IL1B: variants seen among roughly 807,000 people sequenced by gnomAD.
IL1B encodes interleukin-1 beta.
IL1B carries 11 observed loss-of-function variants against 26.2 expected under a neutral mutation model. The ratio of observed to expected loss-of-function variants is 0.42; its 90% CI spans 0.26 to 0.70. The LOEUF is 0.70. Ranked by LOEUF, IL1B falls within the 30% of genes least tolerant of loss-of-function variation. The pLI, the probability that IL1B is intolerant of heterozygous loss-of-function variation, is 0.25. For synonymous variants in IL1B, 118 were observed against 120.8 expected (o/e 0.98, Z 0.15); for missense variants, 255 against 327.5 (o/e 0.78, Z 1.71).
Position 112,833,422 on chromosome 2 carries a change from A to G in IL1B, c.253T>C (p.Phe85Leu). The G allele has an allele frequency of 1.9e-6, 3 of 1,614,184 alleles. No individual in the cohort carries two copies. The highest frequency in any genetic ancestry group is 2.2e-5 in the East Asian group (1 of 44,884). ...AAGGTGCTCAGGTCATTCTCCTGGA[A>G]GGTCTGTGGGCAGGGAACCAGCATC... Reference protein sequence around the residue: ...RKMLVPCPQTFQENDLSTFFP... With the variant: ...RKMLVPCPQTLQENDLSTFFP... The change falls in exon 4 of 7, where the codon TTC (phenylalanine) becomes CTC (leucine). Residue 85 changes from phenylalanine to leucine, a missense_variant. Coordinates refer to ENST00000263341, the MANE Select transcript of IL1B (RefSeq NM_000576.3).
intron 3 of IL1B, 33 bp from the exon 4 acceptor site, chr2:112,833,608 G>A: frequency 6.3e-7 from 1 of 1,595,024 alleles, no homozygotes; most frequent in Non-Finnish European, 8.6e-7. Flanking sequence ...AGCCTGGTGA[G>A]GTGGTCCTGC....
Position 112,832,823 on chromosome 2 carries a change from G to A in IL1B, c.305C>T (p.Pro102Leu), listed in dbSNP as rs1380407701. The change falls in exon 5 of 7, where the codon CCT becomes CTT. Residue 102 changes from proline to leucine, a missense_variant. Transcript: ENST00000263341. ...GTTATCCCATGTGTCGAAGAAGATA[G>A]GTTCTGAAATGTGGAGCACATGTTG... ...TFFPFIFEEE[P>L]IFFDTWDNEA... 1 of 1,614,194 alleles carries A rather than the reference G, an allele frequency of 6.2e-7. No homozygotes were observed. The highest frequency in any genetic ancestry group is 8.5e-7 in the Non-Finnish European group (1 of 1,180,000).
intron 3 of IL1B, among the ~76,000 whole-genome samples, chr2:112,835,029 G>A (rs1682062023): frequency 6.6e-6 from 1 of 152,162 alleles, no homozygotes; most frequent in African/African-American, 2.4e-5. Flanking sequence ...TTCAGATGAG[G>A]TCCAAAGCGG....
chr2:112,832,870 GC>G (rs1428172002), intron 4 of IL1B, 44 bp from the exon 5 acceptor site: 1 of 1,609,104 alleles, frequency 6.2e-7, no homozygotes, highest in Non-Finnish European at 8.5e-7. Flanking sequence ...AATCAGAAGG[GC>G]AGGCCTCGTG....
In IL1B at chr2:112,830,405, C is replaced by T. The variant is rs758098043; in HGVS notation, c.766G>A (p.Gly256Ser). ...MPVFLGGTKG[G>S]QDITDFTMQF... ...ATGGTGAAGTCAGTTATATCCTGGC[C>T]GCCTTTGGTCCCTCCCAGGAAGACG... Residue 256 changes from glycine to serine, a missense_variant, in exon 7 of 7, where the codon GGC becomes AGC. Transcript: ENST00000263341. 47 of 1,613,948 alleles carry T rather than the reference C, an allele frequency of 2.9e-5. No individual in the cohort carries two copies. The highest frequency in any genetic ancestry group is 5.0e-5 in the Admixed American group (3 of 59,992).
In IL1B at chr2:112,831,285, C is replaced by G; in HGVS notation, c.597+7G>C. The G allele has an allele frequency of 6.2e-7, 1 of 1,613,860 alleles. No individual in the cohort carries two copies. Among genetic ancestry groups the G allele is most frequent in the Non-Finnish European group, 8.5e-7 (1 of 1,179,848 alleles). ...GAGAAGGGCTTCATTCCATAGCATT[C>G]ACTTACCTCCAGCTGTAGAGTGGGC... On this transcript the variant is annotated splice_region_variant and intron_variant, in intron 6 of 6. Coordinates refer to ENST00000263341, the MANE Select transcript of IL1B (RefSeq NM_000576.3).
chr2:112,833,621 G>A (rs182605275), intron 3 of IL1B, 46 bp from the exon 4 acceptor site: 7 of 1,549,190 alleles, frequency 4.5e-6, no homozygotes, highest in Non-Finnish European at 6.2e-6. Context: ...GGTCCTGCCA[G>A]GAACCATGCT....
chr2:112,833,344 G>A, intron 4 of IL1B, 30 bp downstream of exon 4: 5 of 1,599,010 alleles, frequency 3.1e-6, no homozygotes, highest in Non-Finnish European at 4.3e-6. Context: ...GACACAAGTG[G>A]AGATCTACTG....
intron 5 of IL1B, 119 bp downstream of exon 5, chr2:112,832,543 T>C: frequency 3.6e-6 from 4 of 1,101,928 alleles, no homozygotes; most frequent in Non-Finnish European, 5.5e-6. Context: ...TCCTTTTTAA[T>C]ATTTTTTTTC....
chr2:112,832,380 G>C (rs543888496), intron 5 of IL1B, among the ~76,000 whole-genome samples: 1 of 152,270 alleles, frequency 6.6e-6, no homozygotes, highest in African/African-American at 2.4e-5. Context: ...CCATATTGTG[G>C]AAGAATTGAC....
chr2:112,836,105 G>C, intron 2 of IL1B, 78 bp downstream of exon 2: 1 of 1,385,380 alleles, frequency 7.2e-7, no homozygotes, highest in Non-Finnish European at 1.0e-6. Flanking sequence ...GGAAAAATCT[G>C]GTCTCCAAGC....
chr2:112,830,718 A>C (rs193043599), intron 6 of IL1B, 145 bp from the exon 7 acceptor site: 41 of 654,110 alleles, frequency 6.3e-5, no homozygotes, highest in Non-Finnish European at 9.0e-5. Flanking sequence ...CTGGGCCCCC[A>C]ACTTTCCGTG....
In IL1B at chr2:112,833,424, G is replaced by A. The variant is rs1211756181; in HGVS notation, c.251C>T (p.Thr84Ile). The A allele has an allele frequency of 1.9e-6, 3 of 1,614,188 alleles. No homozygotes were observed. Among genetic ancestry groups the A allele is most frequent in the African/African-American group, 2.7e-5 (2 of 75,044 alleles). The change falls in exon 4 of 7, where the codon ACC (threonine) becomes ATC (isoleucine). Residue 84 changes from threonine to isoleucine, a missense_variant. By Grantham distance (89) the Thr-to-Ile change is moderately conservative. Coordinates refer to ENST00000263341, the MANE Select transcript of IL1B (RefSeq NM_000576.3). ...LRKMLVPCPQ[T>I]FQENDLSTFF... ...GGTGCTCAGGTCATTCTCCTGGAAG[G>A]TCTGTGGGCAGGGAACCAGCATCTT...
intron 1 of IL1B, 170 bp from the exon 2 acceptor site, chr2:112,836,414 A>G: frequency 1.7e-6 from 1 of 595,002 alleles, no homozygotes; most frequent in Non-Finnish European, 3.1e-6. Flanking sequence ...TGCTAAACCA[A>G]ACCCCAACTA....
At chr2:112,836,363 ATG>A in intron 1 of IL1B, 119 bp from the exon 2 acceptor site, 1 of 779,340 alleles carries the variant, frequency 1.3e-6, no homozygotes, top group Non-Finnish European at 2.2e-6. Flanking sequence ...AAATGAATGA[ATG>A]TGTGAAAGAG....
chr2:112,832,124 C>T (rs904280596), intron 5 of IL1B, among the ~76,000 whole-genome samples: 2 of 152,190 alleles, frequency 1.3e-5, no homozygotes, highest in Non-Finnish European at 2.9e-5. Context: ...AGGCAGATCA[C>T]CACAGCTAAT....
At position 112,836,690 on chromosome 2, in the gene IL1B, G is replaced by A. The variant is rs1682100996; in HGVS notation, c.-16+18C>T. The stretch of plus-strand genomic sequence containing the variant: ...AGACTCCCTTAGCACCTAGTTGTAA[G>A]GAAGATTAAAGTCATACTTGAGCAA... On this transcript the variant is annotated intron_variant, in intron 1 of 6. Transcript: ENST00000263341. 1 of 180,604 alleles carries A rather than the reference G, an allele frequency of 5.5e-6. No individual in the cohort carries two copies. The highest frequency in any genetic ancestry group is 1.2e-5 in the Non-Finnish European group (1 of 83,486). The allele number at this position is 180,604 out of a possible 1,614,324, so 11.2% of individuals were successfully genotyped here.
intron 3 of IL1B, 151 bp downstream of exon 3, chr2:112,835,415 A>G: frequency 1.4e-6 from 1 of 709,178 alleles, no homozygotes; most frequent in Non-Finnish European, 2.6e-6. Flanking sequence ...TGGCCAGGTC[A>G]GCAAGTGGTG....
intron 2 of IL1B, 50 bp downstream of exon 2, chr2:112,836,133 C>T (rs749642216): frequency 5.1e-6 from 8 of 1,580,210 alleles, no homozygotes; most frequent in Non-Finnish European, 7.0e-6. Flanking sequence ...ACACTCTACT[C>T]TTGAAAGAGG....
Sources: gnomAD v4.1 joint callset for allele counts (sites outside exome capture counted in the v4.1 genomes callset) on GRCh38, gnomAD v4.1.1 for gene constraint, MANE v1.5 for transcripts, NCBI Gene and HGNC (gene_info 2026-07-23, HGNC 2026-07-21) for gene names.